The following ME3 variants were observed in gnomAD, a reference collection of about 807,000 sequenced individuals.
ME3 encodes NADP-dependent malic enzyme, mitochondrial.
In ME3, 48 loss-of-function variants were observed where a neutral mutation model predicts 68.9. The ratio of observed to expected loss-of-function variants is 0.70; its 90% CI spans 0.55 to 0.89. The LOEUF (loss-of-function observed/expected upper bound fraction) is 0.89. Ranked by LOEUF, ME3 falls within the 40% of genes least tolerant of loss-of-function variation. The pLI, the probability that ME3 is intolerant of heterozygous loss-of-function variation, is 0.00. For synonymous variants in ME3, 320 were observed against 318.8 expected (o/e 1.00, Z -0.04); for missense variants, 675 against 797.4 (o/e 0.85, Z 1.85).
At chr11:86,545,195 A>T (rs565377731) in intron 4 of ME3, among the ~76,000 whole-genome samples, 26 of 152,322 alleles carry the variant, frequency 1.7e-4, no homozygotes, top group African/African-American at 6.0e-4. Context: ...ATTTATGACA[A>T]ACCCACAGCC....
At chr11:86,455,559 T>C (rs1328973943) in intron 8 of ME3, among the ~76,000 whole-genome samples, 1 of 152,080 alleles carries the variant, frequency 6.6e-6, no homozygotes, top group Non-Finnish European at 1.5e-5. Flanking sequence ...CTGCAGTGCC[T>C]CCCCGTGTAC....
At chr11:86,556,201 A>G (rs1956914452) in intron 4 of ME3, among the ~76,000 whole-genome samples, 1 of 152,214 alleles carries the variant, frequency 6.6e-6, no homozygotes, top group South Asian at 2.1e-4. Flanking sequence ...CTGAATTGGC[A>G]GGAGAGCTGT....
downstream of ME3, among the ~76,000 whole-genome samples, chr11:86,438,290 A>G (rs1209090529): frequency 1.3e-5 from 2 of 152,092 alleles, no homozygotes; most frequent in African/African-American, 4.8e-5. Flanking sequence ...ATATTGAACA[A>G]TTTTTGAATG....
chr11:86,600,277 A>T (rs1960377361), intron 2 of ME3, among the ~76,000 whole-genome samples: 1 of 152,214 alleles, frequency 6.6e-6, no homozygotes, highest in African/African-American at 2.4e-5. Flanking sequence ...GCAAATGGAA[A>T]ACAAAAAAGG....
rs568275317 is a variant in ME3, at chr11:86,626,193, C to T, written c.183+45569G>A. Among the ~76,000 whole-genome samples, 29 of 152,244 alleles carry T rather than the reference C, an allele frequency of 1.9e-4. No individual in the cohort carries two copies. In the East Asian group the frequency reaches 3.1e-3, roughly 16 times the overall value. On this transcript the variant is annotated intron_variant, in intron 2 of 14. Transcript: ENST00000543262. ...AATGTTGGGGCTGGAACCCTGTAAACCACATTGCAAACTGCCTTTATGCTT... is the reference window on the plus strand; with the variant it reads ...AATGTTGGGGCTGGAACCCTGTAAATCACATTGCAAACTGCCTTTATGCTT...
chr11:86,454,144 T>TA (rs1431266172), intron 8 of ME3, among the ~76,000 whole-genome samples: 10 of 152,210 alleles, frequency 6.6e-5, no homozygotes, highest in African/African-American at 2.4e-4. Context: ...TTTGGATAAT[T>TA]TAAAAAATTG....
chr11:86,599,810 G>T (rs1343321648), intron 2 of ME3, among the ~76,000 whole-genome samples: 2 of 152,130 alleles, frequency 1.3e-5, no homozygotes, highest in African/African-American at 4.8e-5. Context: ...CATTCTTAAA[G>T]AAAAGAATTT....
chr11:86,489,090 G>A (rs184210988), intron 6 of ME3: 7 of 152,246 alleles, frequency 4.6e-5, no homozygotes, highest in Non-Finnish European at 8.8e-5. Flanking sequence ...TAGTTTCCTG[G>A]AATTATCTAC....
chr11:86,519,856 T>C (rs498981), intron 4 of ME3, among the ~76,000 whole-genome samples: 38,998 of 152,228 alleles, frequency 0.26, 5,501 homozygotes, highest in African/African-American at 0.38. Flanking sequence ...TAACTGTCCA[T>C]GCCTTGGAAG....
At chr11:86,644,652 G>T (rs771031117) in intron 2 of ME3, among the ~76,000 whole-genome samples, 50 of 152,180 alleles carry the variant, frequency 3.3e-4, no homozygotes, top group Admixed American at 3.3e-3. Flanking sequence ...CTTTCTTTAG[G>T]TCTATTCTTA....
rs559778468 is a variant in ME3, at chr11:86,655,045, G to A, written c.183+16717C>T. ...CCTAGGAATCCAACTTACAAGGGAT[G>A]TGAAAGACCTCTTCAAGGAGAACTA... On this transcript the variant is annotated intron_variant, in intron 2 of 14. Transcript: ENST00000543262. Among the ~76,000 whole-genome samples, 490 of 152,310 alleles carry A rather than the reference G, an allele frequency of 3.2e-3. 5 individuals are homozygous for A. Among genetic ancestry groups the A allele is most frequent in the African/African-American group, 0.011 (470 of 41,558 alleles).
intron 2 of ME3, among the ~76,000 whole-genome samples, chr11:86,623,852 T>C (rs1240610948): frequency 1.3e-5 from 2 of 152,198 alleles, no homozygotes; most frequent in East Asian, 1.9e-4. Context: ...AGATTATGAA[T>C]GCCTTTTCTT....
At chr11:86,637,526 C>T (rs1261649856) in intron 2 of ME3, among the ~76,000 whole-genome samples, 1 of 152,066 alleles carries the variant, frequency 6.6e-6, no homozygotes, top group Non-Finnish European at 1.5e-5. Context: ...GTAGGCAGCA[C>T]AAAGATGTGG....
chr11:86,650,832 T>C (rs1274233634), intron 2 of ME3, among the ~76,000 whole-genome samples: 1 of 152,118 alleles, frequency 6.6e-6, no homozygotes, highest in Non-Finnish European at 1.5e-5. Context: ...GGTCAGGGAA[T>C]TCCCTCTCCT....
At chr11:86,551,259 G>C (rs141693910) in intron 4 of ME3, among the ~76,000 whole-genome samples, 5 of 152,284 alleles carry the variant, frequency 3.3e-5, no homozygotes, top group Non-Finnish European at 7.4e-5. Context: ...GATGCCACAA[G>C]GTGGATAGTT....
At position 86,653,122 on chromosome 11, in the gene ME3, T is replaced by A. The variant is rs539767720; in HGVS notation, c.183+18640A>T. ...AGTCCTTAGAGACCTACAAAGAGACTTAGACTCCCACACAATAATAATGGG... is the reference window on the plus strand; with the variant it reads ...AGTCCTTAGAGACCTACAAAGAGACATAGACTCCCACACAATAATAATGGG... On this transcript the variant is annotated intron_variant, in intron 2 of 14. Transcript: ENST00000543262. Among the ~76,000 whole-genome samples the A allele has an allele frequency of 5.6e-3, 856 of 152,190 alleles. 10 individuals carry two copies. The highest frequency in any genetic ancestry group is 0.019 in the African/African-American group (802 of 41,506).
intron 2 of ME3, among the ~76,000 whole-genome samples, chr11:86,609,586 C>A (rs924101272): frequency 6.6e-6 from 1 of 152,186 alleles, no homozygotes; most frequent in Non-Finnish European, 1.5e-5. Context: ...CATGCACACA[C>A]ACACACCCCT....
chr11:86,626,556 T>C (rs1402695308), intron 2 of ME3, among the ~76,000 whole-genome samples: 1 of 152,232 alleles, frequency 6.6e-6, no homozygotes, highest in African/African-American at 2.4e-5. Context: ...CCAACTTTTG[T>C]TCCTGTAGAC....
At chr11:86,597,124 G>A (rs1040597835) in intron 2 of ME3, among the ~76,000 whole-genome samples, 1 of 152,204 alleles carries the variant, frequency 6.6e-6, no homozygotes, top group African/African-American at 2.4e-5. Flanking sequence ...AGGTAACAGG[G>A]TCCCAGACTT....
Sources: gnomAD v4.1 joint callset for allele counts (sites outside exome capture counted in the v4.1 genomes callset) on GRCh38, gnomAD v4.1.1 for gene constraint, MANE v1.5 for transcripts, NCBI Gene and HGNC (gene_info 2026-07-23, HGNC 2026-07-21) for gene names.